Variants in RNF13 observed in about 807,000 individuals in gnomAD.
RNF13 encodes the protein ring finger protein 13, also known as E3 ubiquitin-protein ligase RNF13.
In RNF13, 19 loss-of-function variants were observed where a neutral mutation model predicts 37.7. The ratio of observed to expected loss-of-function variants is 0.50; its 90% CI spans 0.35 to 0.74. The LOEUF (loss-of-function observed/expected upper bound fraction) is 0.74, where lower values mean the gene tolerates loss of function less well. RNF13 is among the 30% of genes least tolerant of loss of function. The pLI, the probability that RNF13 is intolerant of heterozygous loss-of-function variation, is 0.01. For missense variants in RNF13, 375 were observed against 453.0 expected (o/e 0.83, Z 1.56); for synonymous variants, 144 against 157.8 (o/e 0.91, Z 0.65).
intron 1 of RNF13, among the ~76,000 whole-genome samples, chr3:149,826,983 C>T (rs1720566496): frequency 6.6e-6 from 1 of 152,118 alleles, no homozygotes; most frequent in Non-Finnish European, 1.5e-5. Flanking sequence ...GTCTTGAACT[C>T]CTGGGCTCAA....
At chr3:149,855,457 C>T (rs1042833484) in intron 3 of RNF13, among the ~76,000 whole-genome samples, 7 of 151,244 alleles carry the variant, frequency 4.6e-5, no homozygotes, top group Non-Finnish European at 1.0e-4. Flanking sequence ...TATGAATGAT[C>T]ATAGTTTATT....
chr3:149,872,160 A>T lies in RNF13; in HGVS notation c.321+6A>T, dbSNP rs1481064970. 1 of 1,526,748 alleles carries T rather than the reference A, an allele frequency of 6.5e-7. No individual in the cohort carries two copies. The highest frequency in any genetic ancestry group is 1.4e-5 in the African/African-American group (1 of 71,732). The allele number at this position is 1,526,748 out of a possible 1,614,324, so 94.6% of individuals were successfully genotyped here. A position where few individuals can be genotyped will look rare whatever the true frequency, so the allele number is the denominator to read the frequency against. On this transcript the variant is annotated splice_donor_region_variant and intron_variant, in intron 4 of 9. Coordinates refer to ENST00000392894, the MANE Select transcript of RNF13 (RefSeq NM_183381.3). Reference sequence around the variant, plus strand: ...ATTGTAATTTTGATATAAAGGTATGATTATCTTTTTTCATTTTTTGTTTCC... The same window carrying T: ...ATTGTAATTTTGATATAAAGGTATGTTTATCTTTTTTCATTTTTTGTTTCC...
intron 1 of RNF13, among the ~76,000 whole-genome samples, chr3:149,836,105 G>A (rs937351108): frequency 6.6e-6 from 1 of 152,120 alleles, no homozygotes; most frequent in Non-Finnish European, 1.5e-5. Flanking sequence ...AGGTGGTATT[G>A]CATAGTGGTT....
rs148642299 is a variant in RNF13 at position 149,953,556 on chromosome 3, G to A, written c.701-6500G>A. On this transcript the variant is annotated intron_variant, in intron 8 of 9. Coordinates refer to ENST00000392894, the MANE Select transcript of RNF13 (RefSeq NM_183381.3). The stretch of plus-strand genomic sequence containing the variant: ...AAACATTTTCATCCCTAGTAAATAC[G>A]TAGCTGCTTAAGTATATTTCTTAAC... 3.1e-3 allele frequency among the ~76,000 whole-genome samples: 473 copies of A among 152,288 alleles called. 3 individuals are homozygous for A. The highest frequency in any genetic ancestry group is 0.011 in the African/African-American group (453 of 41,570).
intron 4 of RNF13, among the ~76,000 whole-genome samples, chr3:149,876,967 ATGG>A (rs1370073309): frequency 6.6e-6 from 1 of 151,416 alleles, no homozygotes. Context: ...TTTAGTAGAG[ATGG>A]TATTTCATCA....
At chr3:149,886,279 T>C (rs1352617334) in intron 4 of RNF13, among the ~76,000 whole-genome samples, 1 of 152,176 alleles carries the variant, frequency 6.6e-6, no homozygotes, top group Non-Finnish European at 1.5e-5. Context: ...ATGTCATTGG[T>C]TTTGATAGAC....
upstream of RNF13, chr3:149,813,060 C>T (rs984479559): frequency 2.0e-5 from 3 of 152,316 alleles, no homozygotes; most frequent in African/African-American, 7.2e-5. Flanking sequence ...GAACGAGACT[C>T]GCAAACTGGG....
intron 1 of RNF13, among the ~76,000 whole-genome samples, chr3:149,829,047 G>A (rs1222235933): frequency 6.6e-6 from 1 of 152,184 alleles, no homozygotes; most frequent in Non-Finnish European, 1.5e-5. Flanking sequence ...ATAACTTTGG[G>A]ATTGAGAACA....
intron 3 of RNF13, among the ~76,000 whole-genome samples, chr3:149,861,832 G>C (rs561531233): frequency 1.3e-5 from 2 of 152,154 alleles, no homozygotes; most frequent in South Asian, 4.1e-4. Flanking sequence ...CAAGGTAATA[G>C]GTTCCTCAAG....
intron 1 of RNF13, among the ~76,000 whole-genome samples, chr3:149,833,449 A>C (rs1324502733): frequency 6.6e-6 from 1 of 152,216 alleles, no homozygotes; most frequent in Non-Finnish European, 1.5e-5. Context: ...TATTCTTGGA[A>C]TGCAAGGATG....
chr3:149,841,225 T>C (rs769439652), intron 1 of RNF13, among the ~76,000 whole-genome samples: 17 of 152,200 alleles, frequency 1.1e-4, no homozygotes, highest in Non-Finnish European at 2.5e-4. Context: ...TGCTAGAAGA[T>C]GATATCAGAG....
intron 7 of RNF13, among the ~76,000 whole-genome samples, chr3:149,915,012 T>G (rs1365113291): frequency 6.6e-6 from 1 of 152,124 alleles, no homozygotes; most frequent in East Asian, 1.9e-4. Context: ...CTATATTTTT[T>G]GGGAAAATAA....
At chr3:149,824,578 AC>A (rs1720294428) in intron 1 of RNF13, among the ~76,000 whole-genome samples, 2 of 152,352 alleles carry the variant, frequency 1.3e-5, no homozygotes, top group East Asian at 3.9e-4. Flanking sequence ...TCATTTAAAA[AC>A]ATACATGAAT....
At position 149,873,573 on chromosome 3, in the gene RNF13, C is replaced by T. The variant is rs1271607989; in HGVS notation, c.321+1419C>T. On this transcript the variant is annotated intron_variant, in intron 4 of 9. Coordinates refer to ENST00000392894, the MANE Select transcript of RNF13 (RefSeq NM_183381.3). ...GCCATACTGCCTACCTGAACTCTCTCAACTGGCTGTGCCATGCTGATCATA... is the reference window on the plus strand; with the variant it reads ...GCCATACTGCCTACCTGAACTCTCTTAACTGGCTGTGCCATGCTGATCATA... Among the ~76,000 whole-genome samples the T allele has an allele frequency of 2.0e-5, 3 of 152,168 alleles. No homozygotes were observed. The East Asian group carries it at 5.8e-4, about 29-fold the overall frequency.
At chr3:149,915,811 C>G (rs1159116705) in intron 7 of RNF13, among the ~76,000 whole-genome samples, 1 of 152,082 alleles carries the variant, frequency 6.6e-6, no homozygotes, top group African/African-American at 2.4e-5. Flanking sequence ...GAGACAGAAA[C>G]TAGAATGGTG....
intron 8 of RNF13, among the ~76,000 whole-genome samples, chr3:149,952,605 C>CTTT (rs548564000): frequency 6.8e-6 from 1 of 146,034 alleles, no homozygotes; most frequent in African/African-American, 2.5e-5. Flanking sequence ...AAAGGAAATG[C>CTTT]TTTTTTTTTT....
intron 8 of RNF13, among the ~76,000 whole-genome samples, chr3:149,927,781 C>A (rs1576550516): frequency 6.6e-6 from 1 of 152,048 alleles, no homozygotes. Context: ...ATTATCTGTT[C>A]AAGTACTTTT....
chr3:149,939,255 G>T, intron 8 of RNF13: 1 of 479,546 alleles, frequency 2.1e-6, no homozygotes, highest in Admixed American at 2.5e-5. Flanking sequence ...CCTCACTGGT[G>T]CTTTTTATCC....
At chr3:149,880,132 C>T (rs974164111) in intron 4 of RNF13, among the ~76,000 whole-genome samples, 6 of 152,186 alleles carry the variant, frequency 3.9e-5, no homozygotes, top group Admixed American at 3.9e-4. Flanking sequence ...AGTTACTTTT[C>T]AAGTGCAATG....
Sources: gnomAD v4.1 joint callset for allele counts (sites outside exome capture counted in the v4.1 genomes callset) on GRCh38, gnomAD v4.1.1 for gene constraint, MANE v1.5 for transcripts, NCBI Gene and HGNC (gene_info 2026-07-23, HGNC 2026-07-21) for gene names.